The following EDA variants were observed in gnomAD, a reference collection of about 807,000 sequenced individuals.
EDA encodes ectodysplasin-A.
Under a neutral mutation model 23.6 loss-of-function variants are expected in EDA, and 2 were observed. The observed-to-expected ratio is 0.08, with a 90% CI of 0.03 to 0.27. EDA has a LOEUF of 0.27. Among genes scored for constraint, EDA ranks in the 10% least tolerant of loss-of-function variants. The pLI, the probability that EDA is intolerant of heterozygous loss-of-function variation, is 1.00. For synonymous variants in EDA, 131 were observed against 132.0 expected, an observed-to-expected ratio of 0.99 and a Z score of 0.05; for missense variants, 229 against 324.2, an observed-to-expected ratio of 0.71 and a Z score of 2.26.
chrX:69,697,393 A>G (rs1474963653), intron 1 of EDA, among the ~76,000 whole-genome samples: 6 of 111,169 alleles, frequency 5.4e-5, no homozygotes, highest in Non-Finnish European at 1.1e-4. Context: ...TCATTCCGTT[A>G]AGCTTTCAGG....
At position 69,946,260 on chromosome X, in the gene EDA, A is replaced by G. The variant is rs147484116; in HGVS notation, c.397-10767A>G. On this transcript the variant is annotated intron_variant, in intron 1 of 7. Transcript: ENST00000374552. ...TATCTTAAACTCTTCTTTGAATTCA[A>G]TCTGCGTACTTATAGCCTATCCTGC... 1.4e-3 allele frequency among the ~76,000 whole-genome samples: 151 copies of G among 111,496 alleles called. 3 individuals carry two copies. The East Asian group carries it at 0.041, about 30-fold the overall frequency.
At chrX:69,889,749 T>G (rs923969740) in intron 1 of EDA, among the ~76,000 whole-genome samples, 2 of 112,347 alleles carry the variant, frequency 1.8e-5, no homozygotes, top group African/African-American at 6.5e-5. Flanking sequence ...TTTCACTTTC[T>G]TATGCTGTTC....
chrX:69,808,100 T>C (rs187343512), intron 1 of EDA, among the ~76,000 whole-genome samples: 9 of 111,847 alleles, frequency 8.0e-5, no homozygotes, highest in Non-Finnish European at 9.4e-5. Context: ...CCAAACCAAA[T>C]TGTACAGCCA....
intron 1 of EDA, among the ~76,000 whole-genome samples, chrX:69,950,741 C>T (rs2018908552): frequency 1.2e-5 from 1 of 86,675 alleles, no homozygotes; most frequent in African/African-American, 4.5e-5. Context: ...CACATATACA[C>T]CATGGAATAC....
intron 1 of EDA, among the ~76,000 whole-genome samples, chrX:69,750,430 C>T (rs1307706095): frequency 9.1e-6 from 1 of 109,748 alleles, no homozygotes; most frequent in Non-Finnish European, 1.9e-5. Context: ...CATTGTTGGA[C>T]ATTTGTGTTG....
At chrX:69,700,397 A>G (rs1270262867) in intron 1 of EDA, among the ~76,000 whole-genome samples, 1 of 111,836 alleles carries the variant, frequency 8.9e-6, no homozygotes, top group African/African-American at 3.3e-5. Context: ...CTTTAGGTTT[A>G]GAACAGAAAA....
intron 1 of EDA, among the ~76,000 whole-genome samples, chrX:69,735,324 A>G (rs1045297072): frequency 1.0e-4 from 11 of 110,413 alleles, no homozygotes; most frequent in Non-Finnish European, 1.9e-4. Context: ...TCAGTGGAAT[A>G]TTATTTAGCC....
At chrX:69,676,003 G>A (rs1183410898) in intron 1 of EDA, among the ~76,000 whole-genome samples, 2 of 111,164 alleles carry the variant, frequency 1.8e-5, no homozygotes. Context: ...AAGGCCCTCA[G>A]ATGGGGGAGA....
chrX:69,674,177 G>T (rs1025172356), intron 1 of EDA, among the ~76,000 whole-genome samples: 16 of 109,950 alleles, frequency 1.5e-4, no homozygotes, highest in Non-Finnish European at 2.8e-4. Flanking sequence ...GTTATTTGGG[G>T]TATACTTTTC....
At chrX:69,968,439 G>C (rs2019204549) in intron 2 of EDA, among the ~76,000 whole-genome samples, 1 of 111,792 alleles carries the variant, frequency 8.9e-6, no homozygotes, top group African/African-American at 3.3e-5. Flanking sequence ...TTTCCTCTCG[G>C]CATGAGGCTT....
At chrX:70,028,486 G>A (rs1488590569) in intron 4 of EDA, among the ~76,000 whole-genome samples, 2 of 112,371 alleles carry the variant, frequency 1.8e-5, no homozygotes, top group African/African-American at 6.5e-5. Flanking sequence ...TGAACAAAAT[G>A]ACAAGCCCTA....
intron 2 of EDA, among the ~76,000 whole-genome samples, chrX:70,005,571 A>T (rs2019792808): frequency 9.1e-6 from 1 of 110,117 alleles, no homozygotes. Flanking sequence ...AATGGAACAC[A>T]GAGGAATTAG....
intron 1 of EDA, among the ~76,000 whole-genome samples, chrX:69,736,991 C>T (rs1461638282): frequency 2.7e-5 from 3 of 109,720 alleles, no homozygotes; most frequent in African/African-American, 1.0e-4. Context: ...AGGCTGGTCT[C>T]GAACTTCTGA....
intron 1 of EDA, among the ~76,000 whole-genome samples, chrX:69,914,862 G>C (rs889719012): frequency 9.0e-6 from 1 of 111,535 alleles, no homozygotes; most frequent in Admixed American, 9.5e-5. Flanking sequence ...TTTCCTTGTA[G>C]ATGTCCACTA....
intron 1 of EDA, among the ~76,000 whole-genome samples, chrX:69,682,516 TCTC>T (rs916742790): frequency 5.4e-4 from 60 of 112,128 alleles, no homozygotes; most frequent in African/African-American, 1.9e-3. Flanking sequence ...TGGGATATAA[TCTC>T]CTCGTGCGCC....
chrX:69,777,638 G>A (rs997570513), intron 1 of EDA, among the ~76,000 whole-genome samples: 2 of 110,935 alleles, frequency 1.8e-5, no homozygotes, highest in African/African-American at 6.5e-5. Context: ...TTTCTTATAT[G>A]TCCTGTGGTA....
chrX:69,653,564 G>T (rs1255115417), intron 1 of EDA, among the ~76,000 whole-genome samples: 1 of 111,299 alleles, frequency 9.0e-6, no homozygotes, highest in Non-Finnish European at 1.9e-5. Flanking sequence ...CGTTTTCAAA[G>T]GGAATGCTTC....
At chrX:69,690,018 G>A (rs1008380922) in intron 1 of EDA, among the ~76,000 whole-genome samples, 11 of 109,124 alleles carry the variant, frequency 1.0e-4, no homozygotes, top group Non-Finnish European at 3.8e-5. Context: ...CTTGTATACT[G>A]CAAACTTGCT....
rs180896274 is a variant in EDA at position 69,863,139 on chromosome X, G to A, written c.397-93888G>A. ...CCCTCAAATTGGTACCCAGTGAATT[G>A]TGTGCCTCCATCCTCTCTCTTGCCT... On this transcript the variant is annotated intron_variant, in intron 1 of 7. Coordinates refer to ENST00000374552, the MANE Select transcript of EDA (RefSeq NM_001399.5). Among the ~76,000 whole-genome samples, 312 of 109,645 alleles carry A rather than the reference G, an allele frequency of 2.8e-3. 1 individual carries two copies. The highest frequency in any genetic ancestry group is 0.01 in the African/African-American group (302 of 30,183).
Sources: allele counts gnomAD v4.1 joint callset (sites outside exome capture counted in the v4.1 genomes callset), GRCh38; gene constraint gnomAD v4.1.1; transcripts MANE v1.5; gene names NCBI Gene and HGNC (gene_info 2026-07-23, HGNC 2026-07-21).